The following KHDRBS2 variants were observed in gnomAD, a reference collection of about 807,000 sequenced individuals.
The protein encoded by KHDRBS2 is KH RNA binding domain containing, signal transduction associated 2, also known as KH domain-containing, RNA-binding, signal transduction-associated protein 2.
In KHDRBS2, 26 loss-of-function variants were observed where a neutral mutation model predicts 44.3. The observed-to-expected ratio is 0.59, with a 90% confidence interval of 0.43 to 0.81. The LOEUF is 0.81. Ranked by LOEUF, KHDRBS2 falls within the 40% of genes least tolerant of loss-of-function variation. The pLI, the probability that KHDRBS2 is intolerant of heterozygous loss-of-function variation, is 0.00. For synonymous variants in KHDRBS2, 194 were observed against 151.1 expected (o/e 1.28, Z -2.08); for missense variants, 476 against 433.1 (o/e 1.10, Z -0.88).
At chr6:61,815,145 C>A (rs1196532403) in intron 6 of KHDRBS2, among the ~76,000 whole-genome samples, 1 of 151,200 alleles carries the variant, frequency 6.6e-6, no homozygotes, top group East Asian at 2.0e-4. Context: ...TCCATGGATG[C>A]AAAACCCATG....
chr6:62,081,655 A>G (rs1341548653), intron 2 of KHDRBS2, among the ~76,000 whole-genome samples: 1 of 152,172 alleles, frequency 6.6e-6, no homozygotes, highest in Non-Finnish European at 1.5e-5. Context: ...GCACATTTCA[A>G]AGAGTTATTC....
intron 6 of KHDRBS2, among the ~76,000 whole-genome samples, chr6:61,753,963 T>C (rs1161287999): frequency 6.6e-6 from 1 of 152,020 alleles, no homozygotes; most frequent in Non-Finnish European, 1.5e-5. Context: ...TGGAGTGTGA[T>C]GCAGCCACAG....
At chr6:61,609,781 C>T in the KHDRBS2 span, among the ~76,000 whole-genome samples, 2 of 152,162 alleles carry the variant, frequency 1.3e-5, no homozygotes, top group African/African-American at 4.8e-5. Flanking sequence ...TCCAAGCAGT[C>T]AATTCTAGCA....
chr6:61,774,965 C>T (rs1401778612), intron 6 of KHDRBS2, among the ~76,000 whole-genome samples: 23 of 151,938 alleles, frequency 1.5e-4, no homozygotes, highest in Non-Finnish European at 2.8e-4. Flanking sequence ...GCTTCAACCC[C>T]GGGATGCAAG....
At chr6:62,129,670 CAA>C (rs1483326172) in intron 2 of KHDRBS2, among the ~76,000 whole-genome samples, 1 of 152,012 alleles carries the variant, frequency 6.6e-6, no homozygotes, top group Non-Finnish European at 1.5e-5. Flanking sequence ...GGCCACTACT[CAA>C]GAGACTATTT....
chr6:61,882,384 A>G (rs1248715935), intron 6 of KHDRBS2, among the ~76,000 whole-genome samples: 1 of 151,986 alleles, frequency 6.6e-6, no homozygotes, highest in Non-Finnish European at 1.5e-5. Flanking sequence ...ATGAATGTGA[A>G]TATGTGAAGA....
At chr6:61,546,098 C>T in the KHDRBS2 span, among the ~76,000 whole-genome samples, 1 of 151,978 alleles carries the variant, frequency 6.6e-6, no homozygotes, top group Non-Finnish European at 1.5e-5. Flanking sequence ...AGATATATGA[C>T]ATTAAACCAA....
chr6:61,783,880 G>T (rs2127582435), intron 6 of KHDRBS2, among the ~76,000 whole-genome samples: 1 of 152,080 alleles, frequency 6.6e-6, no homozygotes, highest in Non-Finnish European at 1.5e-5. Context: ...ATTTAATTAT[G>T]TGAATGGTTG....
intron 6 of KHDRBS2, among the ~76,000 whole-genome samples, chr6:61,893,045 C>A (rs930770188): frequency 2.0e-5 from 3 of 151,992 alleles, no homozygotes; most frequent in African/African-American, 7.2e-5. Context: ...TGAACTCCAA[C>A]AAATTTACAA....
the KHDRBS2 span, among the ~76,000 whole-genome samples, chr6:61,556,820 A>G: frequency 1.3e-5 from 2 of 151,784 alleles, no homozygotes; most frequent in Admixed American, 6.6e-5. Context: ...AATATTTAAT[A>G]AAATTAATAA....
intron 2 of KHDRBS2, among the ~76,000 whole-genome samples, chr6:62,070,394 T>C (rs2127344024): frequency 6.6e-6 from 1 of 152,132 alleles, no homozygotes; most frequent in South Asian, 2.1e-4. Context: ...AATGTGCAGG[T>C]TTGTTACATA....
intron 1 of KHDRBS2, among the ~76,000 whole-genome samples, chr6:62,245,916 A>C (rs555185904): frequency 6.6e-6 from 1 of 151,718 alleles, no homozygotes; most frequent in Non-Finnish European, 1.5e-5. Context: ...GTGACTTTGA[A>C]TACAAGAATG....
chr6:62,104,868 G>A lies in KHDRBS2; in HGVS notation c.220-56874C>T, dbSNP rs553730360. 9.3e-4 allele frequency among the ~76,000 whole-genome samples: 141 copies of A among 152,090 alleles called. 2 individuals are homozygous for A. In the South Asian group the frequency reaches 0.01, roughly 11 times the overall value. On this transcript the variant is annotated intron_variant, in intron 2 of 8. Transcript: ENST00000281156. ...TAACACAACAGTAGTTCTTAGAGAAGATCAATAAAATTTATAAGCCTTCTG... is the reference window on the plus strand; with the variant it reads ...TAACACAACAGTAGTTCTTAGAGAAAATCAATAAAATTTATAAGCCTTCTG...
chr6:62,219,214 T>C (rs1043134751), intron 1 of KHDRBS2, among the ~76,000 whole-genome samples: 1 of 151,874 alleles, frequency 6.6e-6, no homozygotes, highest in East Asian at 1.9e-4. Context: ...AACTTGAGAA[T>C]TAATGAACTT....
At chr6:61,939,211 C>T (rs1811636922) in intron 4 of KHDRBS2, among the ~76,000 whole-genome samples, 6 of 151,764 alleles carry the variant, frequency 4.0e-5, no homozygotes, top group Non-Finnish European at 7.4e-5. Flanking sequence ...GCTCTCACAG[C>T]TGTTTTCTTA....
At chr6:61,749,175 G>C (rs1022545780) in intron 6 of KHDRBS2, among the ~76,000 whole-genome samples, 10 of 151,640 alleles carry the variant, frequency 6.6e-5, no homozygotes, top group Non-Finnish European at 1.2e-4. Context: ...ACCATGCCCG[G>C]CTAATTTTTT....
At chr6:61,629,252 GC>G in the KHDRBS2 span, among the ~76,000 whole-genome samples, 1 of 152,168 alleles carries the variant, frequency 6.6e-6, no homozygotes, top group African/African-American at 2.4e-5. Context: ...ATAGAACCAA[GC>G]AAAATTGCAC....
At chr6:61,979,997 G>A (rs1194353846) in intron 3 of KHDRBS2, among the ~76,000 whole-genome samples, 1 of 152,012 alleles carries the variant, frequency 6.6e-6, no homozygotes, top group Non-Finnish European at 1.5e-5. Context: ...ACTCTATTAA[G>A]CAAAATAATA....
chr6:61,921,313 C>T (rs970697046), intron 4 of KHDRBS2, among the ~76,000 whole-genome samples: 4 of 151,842 alleles, frequency 2.6e-5, no homozygotes, highest in Non-Finnish European at 5.9e-5. Flanking sequence ...TATTATTCAT[C>T]TATTGAGTAA....
Sources: allele counts gnomAD v4.1 joint callset (sites outside exome capture counted in the v4.1 genomes callset), GRCh38; gene constraint gnomAD v4.1.1; transcripts MANE v1.5; gene names NCBI Gene and HGNC (gene_info 2026-07-23, HGNC 2026-07-21).